The following SRP54 variants were observed in gnomAD, a reference collection of about 807,000 sequenced individuals.
SRP54 encodes the protein signal recognition particle subunit SRP54.
A neutral mutation model predicts 64.8 loss-of-function variants in SRP54; 10 were observed. That is an observed-to-expected ratio of 0.15 (90% confidence interval 0.10 to 0.26). SRP54 has a LOEUF of 0.26. Ranked by LOEUF, SRP54 falls within the 10% of genes least tolerant of loss-of-function variation. The probability of loss-of-function intolerance (pLI) is 1.00; values close to 1 mark genes in which losing one functional copy is unlikely to be tolerated. For synonymous variants in SRP54, 193 were observed against 185.6 expected, an observed-to-expected ratio of 1.04 and a Z score of -0.32; for missense variants, 325 against 613.7, an observed-to-expected ratio of 0.53 and a Z score of 4.97.
chr14:35,001,070 A>C (rs775501804), intron 4 of SRP54, 50 bp downstream of exon 4: 75 of 911,486 alleles, frequency 8.2e-5, no homozygotes, highest in Middle Eastern at 4.5e-4. Context: ...GTGGATAAAA[A>C]AGCGTTAGCA....
chr14:34,996,103 C>T (rs1362584502), intron 1 of SRP54, among the ~76,000 whole-genome samples: 1 of 150,932 alleles, frequency 6.6e-6, no homozygotes, highest in Non-Finnish European at 1.5e-5. Flanking sequence ...ATACCTCTTT[C>T]CTTTGTGGTT....
intron 15 of SRP54, 68 bp downstream of exon 15, chr14:35,028,251 C>G: frequency 1.1e-6 from 1 of 935,120 alleles, no homozygotes; most frequent in Non-Finnish European, 1.6e-6. Flanking sequence ...TAATGATAAG[C>G]CTTTTATTGT....
Position 35,007,296 on chromosome 14 carries a change from G to A in SRP54, c.269G>A (p.Gly90Glu). 1.3e-6 allele frequency: 2 copies of A among 1,585,704 alleles called. No individual in the cohort carries two copies. The highest frequency in any genetic ancestry group is 1.7e-6 in the Non-Finnish European group (2 of 1,161,090). Residue 90 changes from glycine (G) to glutamate (E), a missense_variant, in exon 5 of 16, where the codon GGA (glycine) becomes GAA (glutamate). Gly to Glu is a moderately conservative substitution (Grantham distance 98). This residue lies in a region of SRP54 where 156 missense variants were observed against 254.6 expected (regional missense o/e 0.61). Coordinates refer to ENST00000216774, the MANE Select transcript of SRP54 (RefSeq NM_003136.4). ...TTTGGTATTTAGCTTGTAGACCCTG[G>A]AGTTAAGGCATGGACACCCACTAAA... ...FKELVKLVDP[G>E]VKAWTPTKGK...
chr14:35,017,811 C>T (rs8015200), intron 11 of SRP54, among the ~76,000 whole-genome samples: 52,526 of 152,002 alleles, frequency 0.35, 9,672 homozygotes, highest in East Asian at 0.69. Flanking sequence ...TGCCCTTTCC[C>T]GGTAATACTT....
At chr14:34,987,347 T>A (rs1032503689) in intron 1 of SRP54, among the ~76,000 whole-genome samples, 6 of 150,000 alleles carry the variant, frequency 4.0e-5, no homozygotes, top group Non-Finnish European at 8.9e-5. Context: ...AGGATTATAG[T>A]GTATTTACAA....
At chr14:35,015,058 G>A (rs2044416352) in intron 11 of SRP54, among the ~76,000 whole-genome samples, 1 of 151,968 alleles carries the variant, frequency 6.6e-6, no homozygotes, top group Non-Finnish European at 1.5e-5. Flanking sequence ...ATTAAAATAA[G>A]GCTTTCACTA....
chr14:35,028,222 A>T, intron 15 of SRP54, 39 bp downstream of exon 15: 3 of 1,295,086 alleles, frequency 2.3e-6, no homozygotes, highest in Non-Finnish European at 2.2e-6. Context: ...ATGCAGTTTA[A>T]TTTATAAGGG....
At chr14:35,019,102 C>CG in intron 13 of SRP54, 28 bp downstream of exon 13, 1 of 1,501,258 alleles carries the variant, frequency 6.7e-7, no homozygotes. Flanking sequence ...TTTCCTCAGG[C>CG]AAAAATGTTC....
intron 1 of SRP54, among the ~76,000 whole-genome samples, chr14:34,983,785 G>A (rs1334091103): frequency 1.3e-5 from 2 of 152,094 alleles, no homozygotes; most frequent in Non-Finnish European, 2.9e-5. Context: ...CTTGTTCTTG[G>A]CTACAAGGAT....
At chr14:35,020,564 TTATC>T (rs1219892743) in intron 13 of SRP54, among the ~76,000 whole-genome samples, 7 of 152,240 alleles carry the variant, frequency 4.6e-5, no homozygotes, top group Non-Finnish European at 2.9e-5. Context: ...TATCTGTGCT[TTATC>T]TACTATCTGA....
chr14:35,028,230 G>T (rs1349095045), intron 15 of SRP54, 47 bp downstream of exon 15: 2 of 1,227,826 alleles, frequency 1.6e-6, no homozygotes, highest in African/African-American at 1.5e-5. Flanking sequence ...TAATTTATAA[G>T]GGTTGAGTTT....
intron 3 of SRP54, among the ~76,000 whole-genome samples, chr14:35,000,249 G>T (rs184811582): frequency 6.6e-6 from 1 of 152,172 alleles, no homozygotes; most frequent in African/African-American, 2.4e-5. Context: ...TTAGTTGTGG[G>T]ACTACCAGCA....
At chr14:34,989,032 T>C (rs548085334) in intron 1 of SRP54, among the ~76,000 whole-genome samples, 234 of 152,330 alleles carry the variant, frequency 1.5e-3, no homozygotes, top group African/African-American at 5.5e-3. Flanking sequence ...AGTCTGTACA[T>C]GTTCACTAGA....
intron 14 of SRP54, among the ~76,000 whole-genome samples, chr14:35,026,373 G>T (rs1595018258): frequency 6.6e-6 from 1 of 151,926 alleles, no homozygotes; most frequent in Admixed American, 6.6e-5. Flanking sequence ...GACTACAGAC[G>T]CATGCTATCA....
intron 1 of SRP54, among the ~76,000 whole-genome samples, chr14:34,991,828 T>C (rs1386636875): frequency 6.6e-6 from 1 of 151,712 alleles, no homozygotes; most frequent in Non-Finnish European, 1.5e-5. Flanking sequence ...TAACACGGAG[T>C]TTTCAGGAAC....
chr14:35,016,474 C>T (rs2044439709), intron 11 of SRP54, among the ~76,000 whole-genome samples: 1 of 152,144 alleles, frequency 6.6e-6, no homozygotes, highest in Non-Finnish European at 1.5e-5. Flanking sequence ...GTTGCCTTTG[C>T]CAGTCCCTCT....
chr14:34,988,842 C>T (rs2043943476), intron 1 of SRP54, among the ~76,000 whole-genome samples: 1 of 151,824 alleles, frequency 6.6e-6, no homozygotes, highest in African/African-American at 2.4e-5. Context: ...TCAGAGGATG[C>T]TCAAGTCCCT....
At position 35,015,348 on chromosome 14, in the gene SRP54, T is replaced by C. The variant is rs368501316; in HGVS notation, c.973+518T>C. Among the ~76,000 whole-genome samples, 14 of 152,134 alleles carry C rather than the reference T, an allele frequency of 9.2e-5. 1 individual carries two copies. The East Asian group carries it at 9.6e-4, about 10-fold the overall frequency. The stretch of plus-strand genomic sequence containing the variant: ...ACCTCAGCCTCCCAAAGTGCTGAGA[T>C]TACAGGTGTGAACCACTGTGCTTGG... On this transcript the variant is annotated intron_variant, in intron 11 of 15. Transcript: ENST00000216774.
intron 13 of SRP54, among the ~76,000 whole-genome samples, chr14:35,022,387 C>T (rs1389353725): frequency 5.3e-5 from 8 of 151,242 alleles, no homozygotes; most frequent in Admixed American, 4.0e-4. Flanking sequence ...GATGGAGTCT[C>T]GCTCTGTCGC....
Sources: gnomAD v4.1 joint callset for allele counts (sites outside exome capture counted in the v4.1 genomes callset) on GRCh38, gnomAD v4.1.1 for gene constraint, gnomAD v4.1.1 regional missense constraint, MANE v1.5 for transcripts, NCBI Gene and HGNC (gene_info 2026-07-23, HGNC 2026-07-21) for gene names.